Variants in DLG2 observed in about 807,000 individuals in gnomAD.
DLG2 encodes discs large MAGUK scaffold protein 2, also known as disks large homolog 2.
A neutral mutation model predicts 132.5 loss-of-function variants in DLG2; 45 were observed. The ratio of observed to expected loss-of-function variants is 0.34; its 90% CI spans 0.27 to 0.44. The LOEUF is 0.44. Ranked by LOEUF, DLG2 falls within the 20% of genes least tolerant of loss-of-function variation. The probability of loss-of-function intolerance (pLI) is 1.00; values close to 1 mark genes in which losing one functional copy is unlikely to be tolerated. For synonymous variants in DLG2, 424 were observed against 419.6 expected (o/e 1.01, Z -0.13); for missense variants, 1,045 against 1,196.9 (o/e 0.87, Z 1.87).
intron 6 of DLG2, among the ~76,000 whole-genome samples, chr11:84,733,033 T>A (rs2063354126): frequency 6.6e-6 from 1 of 152,176 alleles, no homozygotes; most frequent in Non-Finnish European, 1.5e-5. Context: ...CTTAATCCAA[T>A]CTATCATTGT....
In DLG2 at chr11:85,116,365, C is replaced by T. The variant is rs1302343420; in HGVS notation, c.283-4630G>A. On this transcript the variant is annotated intron_variant, in intron 5 of 27. Coordinates refer to ENST00000376104, the MANE Select transcript of DLG2 (RefSeq NM_001142699.3). ...GGAAAAACGACTCAGAAAGTGCCTCCAAATCATCAATTTCATATATTTCTA... is the reference window on the plus strand; with the variant it reads ...GGAAAAACGACTCAGAAAGTGCCTCTAAATCATCAATTTCATATATTTCTA... Among the ~76,000 whole-genome samples the T allele has an allele frequency of 3.3e-5, 5 of 151,816 alleles. No homozygotes were observed. The East Asian group carries it at 9.7e-4, about 29-fold the overall frequency.
intron 16 of DLG2, among the ~76,000 whole-genome samples, chr11:83,837,269 C>T (rs567362730): frequency 6.6e-6 from 1 of 152,266 alleles, no homozygotes; most frequent in Admixed American, 6.5e-5. Context: ...AACGCCACCT[C>T]ATTTCAGCCT....
At chr11:83,520,690 GGT>G (rs2095449792) in intron 21 of DLG2, among the ~76,000 whole-genome samples, 1 of 121,212 alleles carries the variant, frequency 8.3e-6, no homozygotes, top group Non-Finnish European at 1.7e-5. Context: ...CAGGTAAGTA[GGT>G]AGGTAGATAG....
chr11:83,862,220 G>T (rs1026707389), intron 16 of DLG2, among the ~76,000 whole-genome samples: 22 of 152,112 alleles, frequency 1.4e-4, no homozygotes, highest in African/African-American at 5.1e-4. Context: ...AATGGATAAA[G>T]AAAATGTGGT....
intron 21 of DLG2, among the ~76,000 whole-genome samples, chr11:83,526,347 T>G (rs2095609173): frequency 1.3e-5 from 2 of 152,186 alleles, no homozygotes; most frequent in South Asian, 4.1e-4. Context: ...ACATTTCCTA[T>G]TGCCAGTCTC....
At chr11:83,755,451 T>C (rs2093606943) in intron 18 of DLG2, among the ~76,000 whole-genome samples, 1 of 151,350 alleles carries the variant, frequency 6.6e-6, no homozygotes, top group Non-Finnish European at 1.5e-5. Flanking sequence ...GTATTTTTAA[T>C]ATAATACACT....
chr11:85,469,169 C>G (rs1488246847), intron 3 of DLG2, among the ~76,000 whole-genome samples: 2 of 152,334 alleles, frequency 1.3e-5, no homozygotes, highest in East Asian at 3.9e-4. Context: ...GCTCCTCATT[C>G]TAAATATAGC....
intron 3 of DLG2, among the ~76,000 whole-genome samples, chr11:85,285,934 T>C (rs369947228): frequency 2.0e-5 from 3 of 151,622 alleles, no homozygotes; most frequent in South Asian, 2.1e-4. Context: ...AAGAACTCAA[T>C]AGCACAAAAA....
At chr11:84,940,576 C>A (rs935972873) in intron 6 of DLG2, among the ~76,000 whole-genome samples, 2 of 152,152 alleles carry the variant, frequency 1.3e-5, no homozygotes, top group African/African-American at 4.8e-5. Flanking sequence ...TGAATTCTTA[C>A]ATTTCTTTCC....
intron 3 of DLG2, among the ~76,000 whole-genome samples, chr11:85,542,834 A>G (rs992204506): frequency 6.6e-6 from 1 of 152,236 alleles, no homozygotes; most frequent in African/African-American, 2.4e-5. Context: ...AAAACAAATG[A>G]AAACAGTCAA....
At chr11:84,329,509 T>C (rs1343698554) in intron 7 of DLG2, among the ~76,000 whole-genome samples, 1 of 152,214 alleles carries the variant, frequency 6.6e-6, no homozygotes, top group Non-Finnish European at 1.5e-5. Flanking sequence ...CCTGCTGCCA[T>C]GTGAAGAAGG....
At chr11:84,694,828 G>A (rs989067855) in intron 6 of DLG2, among the ~76,000 whole-genome samples, 1 of 151,484 alleles carries the variant, frequency 6.6e-6, no homozygotes, top group African/African-American at 2.4e-5. Flanking sequence ...CAGAGTGGGG[G>A]TGAAACTAAA....
intron 6 of DLG2, among the ~76,000 whole-genome samples, chr11:84,577,833 T>C (rs1157278142): frequency 6.6e-6 from 1 of 152,178 alleles, no homozygotes; most frequent in Non-Finnish European, 1.5e-5. Context: ...CTCCTGGCCA[T>C]GTCAGAGACC....
intron 7 of DLG2, among the ~76,000 whole-genome samples, chr11:84,430,387 C>T (rs556974916): frequency 2.0e-5 from 3 of 148,150 alleles, no homozygotes; most frequent in Admixed American, 6.8e-5. Context: ...TGTAGTGAGC[C>T]GAGATCGTGC....
rs1363060006 is a variant in DLG2, at chr11:85,161,914, G to A, written c.187-7263C>T. On this transcript the variant is annotated intron_variant, in intron 4 of 27. Transcript: ENST00000376104. ...CAGGATTCACAGGTCCAGGAATCAA[G>A]GGGTGGAAGTGGAAGTGGCACCATT... 3.3e-5 allele frequency among the ~76,000 whole-genome samples: 5 copies of A among 152,182 alleles called. No individual in the cohort carries two copies. The East Asian group carries it at 9.6e-4, about 29-fold the overall frequency.
At chr11:83,867,876 T>A (rs183193216) in intron 16 of DLG2, among the ~76,000 whole-genome samples, 1 of 152,264 alleles carries the variant, frequency 6.6e-6, no homozygotes, top group African/African-American at 2.4e-5. Context: ...ATTGCTGTGA[T>A]GACACCTTTT....
chr11:85,392,760 C>A (rs2086911518), intron 3 of DLG2, among the ~76,000 whole-genome samples: 1 of 152,092 alleles, frequency 6.6e-6, no homozygotes, highest in South Asian at 2.1e-4. Flanking sequence ...GGATAACTGG[C>A]ATGCCACATG....
chr11:84,246,043 G>A (rs2097298314), intron 8 of DLG2, among the ~76,000 whole-genome samples: 1 of 152,144 alleles, frequency 6.6e-6, no homozygotes, highest in African/African-American at 2.4e-5. Context: ...AACATACCCT[G>A]GATAGCTACT....
At chr11:84,496,590 C>T (rs1242171721) in intron 7 of DLG2, among the ~76,000 whole-genome samples, 1 of 152,052 alleles carries the variant, frequency 6.6e-6, no homozygotes. Context: ...CATTTTTATT[C>T]AGCAACTGCA....
Sources: allele counts gnomAD v4.1 joint callset (sites outside exome capture counted in the v4.1 genomes callset), GRCh38; gene constraint gnomAD v4.1.1; transcripts MANE v1.5; gene names NCBI Gene and HGNC (gene_info 2026-07-23, HGNC 2026-07-21).